CNNM4: variants seen among roughly 807,000 people sequenced by gnomAD.
CNNM4 encodes the protein metal transporter CNNM4.
In CNNM4, 32 loss-of-function variants were observed where a neutral mutation model predicts 53.7. The observed-to-expected ratio is 0.60, with a 90% CI of 0.45 to 0.80. CNNM4 has a LOEUF of 0.80. CNNM4 is among the 30% of genes least tolerant of loss of function. The pLI, the probability that CNNM4 is intolerant of heterozygous loss-of-function variation, is 0.00. For missense variants in CNNM4, 784 were observed against 1,022.0 expected (o/e 0.77, Z 3.17); for synonymous variants, 410 against 440.0 (o/e 0.93, Z 0.85).
At chr2:96,799,284 C>T (rs2079136629) in intron 4 of CNNM4, 58 bp downstream of exon 4, 22 of 1,598,120 alleles carry the variant, frequency 1.4e-5, no homozygotes, top group Non-Finnish European at 1.9e-5. Flanking sequence ...CAGCAACCCC[C>T]AGGCCCTCTC....
intron 1 of CNNM4, among the ~76,000 whole-genome samples, chr2:96,791,103 G>A (rs2079058558): frequency 6.9e-6 from 1 of 144,176 alleles, no homozygotes; most frequent in Non-Finnish European, 1.5e-5. Flanking sequence ...CTGAACAACA[G>A]AGTGAGACTC....
chr2:96,789,312 G>C (rs1488311159), intron 1 of CNNM4, among the ~76,000 whole-genome samples: 1 of 152,192 alleles, frequency 6.6e-6, no homozygotes, highest in Non-Finnish European at 1.5e-5. Context: ...ATAAAGAGGT[G>C]ACACGGAGGC....
intron 5 of CNNM4, among the ~76,000 whole-genome samples, chr2:96,805,418 G>T (rs1231228428): frequency 4.3e-4 from 33 of 76,120 alleles, no homozygotes; most frequent in Middle Eastern, 0.01. Context: ...CTTCTTTTCA[G>T]TTTTTTTTTT....
At chr2:96,779,096 A>G (rs1353311295) in intron 1 of CNNM4, among the ~76,000 whole-genome samples, 3 of 152,076 alleles carry the variant, frequency 2.0e-5, no homozygotes, top group Admixed American at 1.3e-4. Context: ...AGATGGGACT[A>G]TAGGCGCCTG....
chr2:96,781,280 G>A (rs529246210), intron 1 of CNNM4, among the ~76,000 whole-genome samples: 1 of 151,140 alleles, frequency 6.6e-6, no homozygotes, highest in Non-Finnish European at 1.5e-5. Context: ...TGCCCGGCCT[G>A]ATCTCGAACT....
At chr2:96,780,800 C>T (rs993664379) in intron 1 of CNNM4, among the ~76,000 whole-genome samples, 1 of 151,726 alleles carries the variant, frequency 6.6e-6, no homozygotes, top group African/African-American at 2.4e-5. Context: ...TCCAGTGGCA[C>T]GATCTTGGCT....
rs546105247 is a variant in CNNM4, at chr2:96,797,791, C to T, written c.1681+144C>T. On this transcript the variant is annotated intron_variant, in intron 3 of 6. Transcript: ENST00000377075. This position sits in a 1 kb window ranked among gnomAD's most constrained non-coding sequence, Gnocchi z 6.0. ...CAACACAGCCACCCCTGGAAGGGGC[C>T]GGGTATCTGCTCCACCCCTGGGGAT... The T allele has an allele frequency of 1.2e-5, 14 of 1,121,594 alleles. No individual in the cohort carries two copies. The highest frequency in any genetic ancestry group is 2.0e-5 in the Admixed American group (1 of 50,406). 69.5% of individuals were successfully genotyped at this position (1,121,594 alleles called of 1,614,324 possible).
chr2:96,787,481 T>G (rs1006889740), intron 1 of CNNM4, among the ~76,000 whole-genome samples: 1 of 152,214 alleles, frequency 6.6e-6, no homozygotes, highest in Admixed American at 6.5e-5. Flanking sequence ...GCCCAGTAAC[T>G]TTCATTGAAT....
chr2:96,807,951 C>T (rs1238039531), intron 5 of CNNM4, among the ~76,000 whole-genome samples: 2 of 151,818 alleles, frequency 1.3e-5, no homozygotes, highest in Non-Finnish European at 2.9e-5. Flanking sequence ...TGCAGTGGTG[C>T]CAGCTTGGCT....
rs757295235 is a variant in CNNM4, at chr2:96,800,001, G to A, written c.1948+353G>A. On this transcript the variant is annotated intron_variant, in intron 5 of 6. Transcript: ENST00000377075. The surrounding 1 kb of genome is among the most constrained non-coding windows in gnomAD (Gnocchi z 4.6). ...AGGGCCCTGCTCCTGAGGACAGGAGGGGAGTCTGAGCATCCAAAGTGACTG... is the reference window on the plus strand; with the variant it reads ...AGGGCCCTGCTCCTGAGGACAGGAGAGGAGTCTGAGCATCCAAAGTGACTG... 6.6e-6 allele frequency among the ~76,000 whole-genome samples: 1 copy of A among 152,164 alleles called. No individual in the cohort carries two copies. The highest frequency in any genetic ancestry group is 1.5e-5 in the Non-Finnish European group (1 of 68,004).
Position 96,781,625 on chromosome 2 carries a change from T to C in CNNM4, c.1403-15387T>C, listed in dbSNP as rs535402764. ...AGGGCACTCTGTCTAGATATGTTAA[T>C]GTATTCACCAACCAGGAAGCTCAGT... On this transcript the variant is annotated intron_variant, in intron 1 of 6. Coordinates refer to ENST00000377075, the MANE Select transcript of CNNM4 (RefSeq NM_020184.4). Among the ~76,000 whole-genome samples the C allele has an allele frequency of 3.3e-5, 5 of 152,336 alleles. No individual in the cohort carries two copies. In the South Asian group the frequency reaches 1.0e-3, roughly 32 times the overall value.
At chr2:96,781,034 A>G (rs1242823461) in intron 1 of CNNM4, among the ~76,000 whole-genome samples, 1 of 126,730 alleles carries the variant, frequency 7.9e-6, no homozygotes, top group African/African-American at 3.2e-5. Context: ...GCTGGAATGC[A>G]GTGGCACAAT....
rs766406912 is a variant in CNNM4, at chr2:96,808,764, C to G, written c.2130+22C>G. Reference sequence around the variant, plus strand: ...CAAGGTGAGTGCCTCACTGCCCTGTCTGGGCAGTGCTATCTTCTGCTCAGG... The same window carrying G: ...CAAGGTGAGTGCCTCACTGCCCTGTGTGGGCAGTGCTATCTTCTGCTCAGG... On this transcript the variant is annotated intron_variant, in intron 6 of 6. Transcript: ENST00000377075. This position sits in a 1 kb window ranked among gnomAD's most constrained non-coding sequence, Gnocchi z 4.9. 6 of 1,610,384 alleles carry G rather than the reference C, an allele frequency of 3.7e-6. No homozygotes were observed. Among genetic ancestry groups the G allele is most frequent in the Non-Finnish European group, 5.1e-6 (6 of 1,176,828 alleles).
At position 96,797,323 on chromosome 2, in the gene CNNM4, G is replaced by C. The variant is rs906521507; in HGVS notation, c.1546+168G>C. On this transcript the variant is annotated intron_variant, in intron 2 of 6. Coordinates refer to ENST00000377075, the MANE Select transcript of CNNM4 (RefSeq NM_020184.4). The surrounding 1 kb of genome is among the most constrained non-coding windows in gnomAD (Gnocchi z 6.0). The stretch of plus-strand genomic sequence containing the variant: ...GGGTGAGCAGGGAGCAGGTTGCTGA[G>C]AGCAGTGCCCGGAGGCTGCCTTCAC... 6.6e-6 allele frequency among the ~76,000 whole-genome samples: 1 copy of C among 152,252 alleles called. No homozygotes were observed. Among genetic ancestry groups the C allele is most frequent in the Admixed American group, 6.5e-5 (1 of 15,292 alleles).
intron 3 of CNNM4, among the ~76,000 whole-genome samples, chr2:96,798,640 A>G (rs2079127932): frequency 6.6e-6 from 1 of 152,092 alleles, no homozygotes; most frequent in Non-Finnish European, 1.5e-5. Context: ...CCTGTGGGAT[A>G]TTGATGCTGA....
intron 1 of CNNM4, among the ~76,000 whole-genome samples, chr2:96,784,104 GAAATA>G (rs1303041529): frequency 1.3e-5 from 2 of 151,992 alleles, no homozygotes; most frequent in Non-Finnish European, 2.9e-5. Context: ...AAAATAAAAT[GAAATA>G]AAATAAAATT....
intron 4 of CNNM4, 142 bp from the exon 5 acceptor site, chr2:96,799,410 A>G: frequency 9.1e-7 from 1 of 1,097,784 alleles, no homozygotes. Context: ...TTGATCTCAC[A>G]GGTCAGGCCC....
At chr2:96,790,024 T>C (rs1463690677) in intron 1 of CNNM4, among the ~76,000 whole-genome samples, 7 of 131,796 alleles carry the variant, frequency 5.3e-5, no homozygotes, top group African/African-American at 2.0e-4. Flanking sequence ...TTTTTTTTTT[T>C]TTGAGACGGA....
chr2:96,783,129 A>G (rs1311556924), intron 1 of CNNM4, among the ~76,000 whole-genome samples: 1 of 152,178 alleles, frequency 6.6e-6, no homozygotes, highest in Non-Finnish European at 1.5e-5. Context: ...AAAAAGGTTC[A>G]AAGAATGGAG....
Sources: gnomAD v4.1 joint callset for allele counts (sites outside exome capture counted in the v4.1 genomes callset) on GRCh38, gnomAD v4.1.1 for gene constraint, Gnocchi (gnomAD v3.1) non-coding constraint, MANE v1.5 for transcripts, NCBI Gene and HGNC (gene_info 2026-07-23, HGNC 2026-07-21) for gene names.